The following NINL variants were observed in gnomAD, a reference collection of about 807,000 sequenced individuals.
The protein encoded by NINL is ninein like.
In NINL, 153 loss-of-function variants were observed where a neutral mutation model predicts 160.3. The observed-to-expected ratio is 0.95, with a 90% CI of 0.84 to 1.09. The LOEUF (loss-of-function observed/expected upper bound fraction) is 1.09, where lower values mean the gene tolerates loss of function less well. Ranked by LOEUF, NINL falls within the 50% of genes least tolerant of loss-of-function variation. The probability of loss-of-function intolerance (pLI) is 0.00; values close to 1 mark genes in which losing one functional copy is unlikely to be tolerated. For missense variants in NINL, 1,829 were observed against 1,764.0 expected (o/e 1.04, Z -0.66); for synonymous variants, 800 against 734.8 (o/e 1.09, Z -1.43).
intron 1 of NINL, among the ~76,000 whole-genome samples, chr20:25,530,994 C>T (rs1030289939): frequency 9.2e-5 from 14 of 152,164 alleles, no homozygotes; most frequent in African/African-American, 3.1e-4. Flanking sequence ...GGGAGCGCTA[C>T]GGGAGACTGG....
At chr20:25,460,901 C>T (rs1439932304) in intron 21 of NINL, among the ~76,000 whole-genome samples, 2 of 147,758 alleles carry the variant, frequency 1.4e-5, no homozygotes, top group African/African-American at 2.7e-5. Flanking sequence ...ACTGGGCACT[C>T]GCCCTCTGGG....
At chr20:25,478,831 A>G in intron 16 of NINL, 92 bp downstream of exon 16, 1 of 1,429,244 alleles carries the variant, frequency 7.0e-7, no homozygotes, top group Non-Finnish European at 9.3e-7. Flanking sequence ...CGGGAGGCAC[A>G]GCAATTCTGA....
intron 17 of NINL, among the ~76,000 whole-genome samples, chr20:25,475,731 G>T (rs140174834): frequency 6.6e-6 from 1 of 152,272 alleles, no homozygotes; most frequent in East Asian, 1.9e-4. Flanking sequence ...GTGGTGGCAG[G>T]TGCCTGTAAT....
intron 3 of NINL, among the ~76,000 whole-genome samples, chr20:25,513,692 A>G (rs1377346771): frequency 6.6e-6 from 1 of 152,186 alleles, no homozygotes; most frequent in Non-Finnish European, 1.5e-5. Flanking sequence ...GGATTTCCCA[A>G]TTGCTGTTCT....
intron 11 of NINL, 36 bp from the exon 12 acceptor site, chr20:25,490,021 G>A (rs1195101444): frequency 4.5e-6 from 7 of 1,561,426 alleles, no homozygotes; most frequent in Non-Finnish European, 5.3e-6. Context: ...TCAGGCTCCT[G>A]CAGGACGGAG....
At chr20:25,576,969 G>A (rs950259342) in intron 1 of NINL, among the ~76,000 whole-genome samples, 2 of 152,336 alleles carry the variant, frequency 1.3e-5, no homozygotes, top group African/African-American at 4.8e-5. Flanking sequence ...GCTGTGGACT[G>A]TGTCCACTTC....
intron 19 of NINL, among the ~76,000 whole-genome samples, chr20:25,464,650 C>T (rs1021312069): frequency 2.6e-5 from 4 of 152,182 alleles, no homozygotes; most frequent in Admixed American, 6.5e-5. Context: ...GCAGCTCTCA[C>T]GCGGCTGCTG....
intron 23 of NINL, among the ~76,000 whole-genome samples, chr20:25,454,841 G>A (rs2090627326): frequency 6.6e-6 from 1 of 152,014 alleles, no homozygotes; most frequent in Non-Finnish European, 1.5e-5. Context: ...CCTCATTTTT[G>A]GTCTTTGCTC....
chr20:25,497,538 C>A (rs932967755), intron 9 of NINL, among the ~76,000 whole-genome samples: 2 of 152,248 alleles, frequency 1.3e-5, no homozygotes, highest in Non-Finnish European at 2.9e-5. Flanking sequence ...CCAATCTTTT[C>A]TGCAGCTTCA....
intron 6 of NINL, 72 bp downstream of exon 6, chr20:25,504,816 G>T: frequency 6.6e-7 from 1 of 1,520,960 alleles, no homozygotes; most frequent in Non-Finnish European, 9.0e-7. Context: ...GGGTAGAGGG[G>T]TTTCCAGACC....
At chr20:25,523,010 T>C (rs1171194636) in intron 2 of NINL, among the ~76,000 whole-genome samples, 3 of 152,204 alleles carry the variant, frequency 2.0e-5, no homozygotes, top group Admixed American at 1.3e-4. Flanking sequence ...ACTCCACAGA[T>C]ACTCAAGTCC....
At chr20:25,516,819 G>A (rs531160625) in intron 3 of NINL, among the ~76,000 whole-genome samples, 1 of 152,260 alleles carries the variant, frequency 6.6e-6, no homozygotes, top group Admixed American at 6.5e-5. Flanking sequence ...GTGGGAAGGG[G>A]CAACCACCAG....
chr20:25,511,933 A>G (rs369890644), intron 4 of NINL, among the ~76,000 whole-genome samples: 34 of 152,208 alleles, frequency 2.2e-4, no homozygotes, highest in African/African-American at 8.0e-4. Flanking sequence ...ACCTGGCAGA[A>G]GCTGAGAGCA....
At chr20:25,576,232 C>T (rs538350021) in intron 1 of NINL, among the ~76,000 whole-genome samples, 1 of 152,254 alleles carries the variant, frequency 6.6e-6, no homozygotes, top group African/African-American at 2.4e-5. Context: ...TTGGAGTAGA[C>T]ACAGGCAGGG....
chr20:25,454,781 C>G (rs143245012), intron 23 of NINL, among the ~76,000 whole-genome samples: 3 of 152,318 alleles, frequency 2.0e-5, no homozygotes, highest in Admixed American at 2.0e-4. Context: ...CGTCAGTTCC[C>G]ACCTGCTGAG....
In NINL at chr20:25,505,030, G is replaced by A. The variant is rs778420625; in HGVS notation, c.566C>T (p.Ser189Phe). Residue 189 changes from serine (S) to phenylalanine (F), a missense_variant, in exon 6 of 24, where the codon TCC becomes TTC. Ser to Phe is a radical substitution (Grantham distance 155). Transcript: ENST00000278886. ...DSEDFGSPQK[S>F]CSPSFDTPES... ...TGGGGTGTCAAAGGAGGGGCTGCAG[G>A]ACTTCTGGGGGCTCCCAAAGTCCTC... 2 of 1,610,426 alleles carry A rather than the reference G, an allele frequency of 1.2e-6. No homozygotes were observed. The highest frequency in any genetic ancestry group is 2.7e-5 in the African/African-American group (2 of 74,824).
intron 13 of NINL, chr20:25,488,927 C>T (rs1319469192): frequency 3.0e-6 from 1 of 329,506 alleles, no homozygotes; most frequent in African/African-American, 2.0e-5. Flanking sequence ...TCACTGCGTC[C>T]ACTGCGCCCT....
intron 15 of NINL, among the ~76,000 whole-genome samples, chr20:25,479,512 AGGAC>A (rs2063342045): frequency 6.6e-6 from 1 of 152,202 alleles, no homozygotes; most frequent in African/African-American, 2.4e-5. Context: ...GAATCTTTAC[AGGAC>A]CTCGGGGTGG....
intron 22 of NINL, 88 bp downstream of exon 22, chr20:25,458,295 G>A (rs2090742625): frequency 1.3e-6 from 2 of 1,517,146 alleles, no homozygotes; most frequent in Non-Finnish European, 1.8e-6. Context: ...ATTCACAGTT[G>A]TGCAGCTTCT....
Sources: gnomAD v4.1 joint callset for allele counts (sites outside exome capture counted in the v4.1 genomes callset) on GRCh38, gnomAD v4.1.1 for gene constraint, MANE v1.5 for transcripts, NCBI Gene and HGNC (gene_info 2026-07-23, HGNC 2026-07-21) for gene names.